COG5: variants seen among roughly 807,000 people sequenced by gnomAD.
COG5 encodes component of oligomeric golgi complex 5, also known as conserved oligomeric Golgi complex subunit 5.
A neutral mutation model predicts 110.4 loss-of-function variants in COG5; 86 were observed. The ratio of observed to expected loss-of-function variants is 0.78; its 90% confidence interval spans 0.65 to 0.93. The LOEUF is 0.93. Ranked by LOEUF, COG5 falls within the 40% of genes least tolerant of loss-of-function variation. COG5 has a pLI of 0.00. For missense variants in COG5, 1,077 were observed against 987.0 expected (o/e 1.09, Z -1.22); for synonymous variants, 360 against 334.6 (o/e 1.08, Z -0.83).
intron 6 of COG5, among the ~76,000 whole-genome samples, chr7:107,498,156 G>A (rs915073956): frequency 6.6e-6 from 1 of 152,130 alleles, no homozygotes; most frequent in African/African-American, 2.4e-5. Flanking sequence ...TGATTTAGCC[G>A]TTAGACCTGA....
chr7:107,392,124 A>G (rs1484702843), intron 7 of COG5, among the ~76,000 whole-genome samples: 1 of 152,122 alleles, frequency 6.6e-6, no homozygotes, highest in East Asian at 1.9e-4. Context: ...CCTCAGCAAT[A>G]CCACGTTGAT....
chr7:107,535,818 G>C (rs1801546067), intron 5 of COG5, among the ~76,000 whole-genome samples: 1 of 152,120 alleles, frequency 6.6e-6, no homozygotes, highest in Admixed American at 6.6e-5. Context: ...TATGAGGTCA[G>C]CATCACTCTG....
At chr7:107,251,361 C>T (rs1802488520) in intron 16 of COG5, among the ~76,000 whole-genome samples, 2 of 152,056 alleles carry the variant, frequency 1.3e-5, no homozygotes, top group African/African-American at 4.8e-5. Context: ...CCATCACACT[C>T]ACATGATAAA....
rs747715314 is a variant in COG5, at chr7:107,474,970, C to A, written c.538+52267G>T. On this transcript the variant is annotated intron_variant, in intron 6 of 21. Coordinates refer to ENST00000297135, the MANE Select transcript of COG5 (RefSeq NM_006348.5). This position sits in a 1 kb window ranked among gnomAD's most constrained non-coding sequence, Gnocchi z 5.7. The stretch of plus-strand genomic sequence containing the variant: ...GCGAGCTGTGAAACGACACCGTGAA[C>A]GACGAGAAAGACAAAAGAGAGTCTT... The A allele has an allele frequency of 7.4e-6, 12 of 1,612,198 alleles. No individual in the cohort carries two copies. In the Admixed American group the frequency reaches 2.0e-4, roughly 27 times the overall value.
intron 18 of COG5, among the ~76,000 whole-genome samples, chr7:107,235,822 A>G (rs554988842): frequency 5.9e-5 from 9 of 152,388 alleles, no homozygotes; most frequent in African/African-American, 2.2e-4. Context: ...AAGGCTTTAA[A>G]AAATCTGTCT....
At chr7:107,346,553 C>T (rs943560592) in intron 10 of COG5, among the ~76,000 whole-genome samples, 4 of 152,082 alleles carry the variant, frequency 2.6e-5, no homozygotes, top group African/African-American at 9.7e-5. Flanking sequence ...TAAGCATTCC[C>T]TAGGAAATAA....
At chr7:107,413,136 C>T (rs184442008) in intron 6 of COG5, among the ~76,000 whole-genome samples, 1 of 152,128 alleles carries the variant, frequency 6.6e-6, no homozygotes, top group Admixed American at 6.6e-5. Flanking sequence ...CCCACCTCAG[C>T]CTCCCAAGTA....
intron 17 of COG5, among the ~76,000 whole-genome samples, chr7:107,240,531 A>C (rs1400317180): frequency 6.6e-6 from 1 of 152,152 alleles, no homozygotes; most frequent in African/African-American, 2.4e-5. Context: ...TTACTCTTTA[A>C]ATAGCAGGGG....
At chr7:107,448,884 T>C (rs1357179495) in intron 6 of COG5, among the ~76,000 whole-genome samples, 1 of 152,102 alleles carries the variant, frequency 6.6e-6, no homozygotes, top group Non-Finnish European at 1.5e-5. Flanking sequence ...CATGAATATA[T>C]AAAATATATG....
intron 14 of COG5, among the ~76,000 whole-genome samples, chr7:107,263,427 G>C (rs1375576046): frequency 6.6e-6 from 1 of 152,160 alleles, no homozygotes; most frequent in Admixed American, 6.5e-5. Context: ...AGAAAAGTGG[G>C]AGCAATAAGA....
At chr7:107,524,074 T>C (rs1471580526) in intron 6 of COG5, among the ~76,000 whole-genome samples, 4 of 152,202 alleles carry the variant, frequency 2.6e-5, no homozygotes, top group African/African-American at 9.6e-5. Context: ...AGCTATGATC[T>C]ATCAATGGAA....
At chr7:107,362,273 A>C (rs1240236435) in intron 9 of COG5, 35 bp downstream of exon 9, 1 of 1,525,938 alleles carries the variant, frequency 6.6e-7, no homozygotes, top group Admixed American at 1.7e-5. Flanking sequence ...GAGTTAATCC[A>C]TATTAATGTT....
intron 11 of COG5, among the ~76,000 whole-genome samples, chr7:107,308,760 C>A (rs769962241): frequency 3.9e-5 from 6 of 152,158 alleles, no homozygotes; most frequent in Non-Finnish European, 7.4e-5. Flanking sequence ...AAAAGTATTT[C>A]TTTATTTGTA....
intron 10 of COG5, among the ~76,000 whole-genome samples, chr7:107,349,006 C>T (rs563939956): frequency 2.6e-5 from 4 of 152,100 alleles, no homozygotes; most frequent in Non-Finnish European, 5.9e-5. Flanking sequence ...GGATTACACA[C>T]ATGTACCAAC....
At chr7:107,278,824 C>T (rs1804920057) in intron 14 of COG5, among the ~76,000 whole-genome samples, 1 of 152,026 alleles carries the variant, frequency 6.6e-6, no homozygotes, top group Non-Finnish European at 1.5e-5. Flanking sequence ...GACCTAAAAC[C>T]ATAAAAACCC....
chr7:107,304,313 T>C (rs1222187445), intron 11 of COG5, among the ~76,000 whole-genome samples: 2 of 152,216 alleles, frequency 1.3e-5, no homozygotes, highest in East Asian at 3.9e-4. Context: ...TCTTTTATTT[T>C]CTTCCCTAGC....
intron 10 of COG5, among the ~76,000 whole-genome samples, chr7:107,351,214 T>C (rs1374999079): frequency 6.6e-6 from 1 of 152,180 alleles, no homozygotes; most frequent in African/African-American, 2.4e-5. Flanking sequence ...GGGGAAAGGA[T>C]TCCCTGTTTA....
intron 6 of COG5, chr7:107,472,677 A>T (rs1796709708): frequency 6.6e-6 from 1 of 151,978 alleles, no homozygotes; most frequent in Non-Finnish European, 1.5e-5. Flanking sequence ...CTTCATACTA[A>T]TTCAAAAGAA....
At chr7:107,485,617 A>G (rs569714716) in intron 6 of COG5, among the ~76,000 whole-genome samples, 38 of 152,318 alleles carry the variant, frequency 2.5e-4, no homozygotes, top group African/African-American at 8.7e-4. Context: ...AACAGTAATC[A>G]TAAATCCCAG....
Sources: gnomAD v4.1 joint callset for allele counts (sites outside exome capture counted in the v4.1 genomes callset) on GRCh38, gnomAD v4.1.1 for gene constraint, Gnocchi (gnomAD v3.1) non-coding constraint, MANE v1.5 for transcripts, NCBI Gene and HGNC (gene_info 2026-07-23, HGNC 2026-07-21) for gene names.